TEAD1: variants seen among roughly 807,000 people sequenced by gnomAD.
TEAD1 encodes the protein transcriptional enhancer factor TEF-1.
In TEAD1, 9 loss-of-function variants were observed where a neutral mutation model predicts 54.9. That is an observed-to-expected ratio of 0.16 (90% CI 0.10 to 0.29). TEAD1 has a LOEUF of 0.29. Among genes scored for constraint, TEAD1 ranks in the 10% least tolerant of loss-of-function variants. The pLI is 1.00. For synonymous variants in TEAD1, 200 were observed against 187.8 expected (o/e 1.07, Z -0.53); for missense variants, 387 against 535.9 (o/e 0.72, Z 2.74).
At chr11:12,745,024 T>C (rs1420932685) in intron 2 of TEAD1, among the ~76,000 whole-genome samples, 2 of 152,200 alleles carry the variant, frequency 1.3e-5, no homozygotes, top group Non-Finnish European at 1.5e-5. Flanking sequence ...AGGGCTCGGC[T>C]AATTTTAAAC....
At chr11:12,913,691 G>T (rs1948657812) in intron 10 of TEAD1, among the ~76,000 whole-genome samples, 1 of 152,260 alleles carries the variant, frequency 6.6e-6, no homozygotes, top group South Asian at 2.1e-4. Flanking sequence ...CTTTTTTGGT[G>T]TACATGTCCT....
At chr11:12,772,662 G>A (rs1945336315) in intron 3 of TEAD1, among the ~76,000 whole-genome samples, 1 of 152,148 alleles carries the variant, frequency 6.6e-6, no homozygotes, top group Non-Finnish European at 1.5e-5. Context: ...GCAATGGTAA[G>A]AAATAATACC....
intron 3 of TEAD1, among the ~76,000 whole-genome samples, chr11:12,783,095 GGTTTGTGTGT>G (rs1399738744): frequency 8.2e-6 from 1 of 121,702 alleles, no homozygotes; most frequent in Non-Finnish European, 1.7e-5. Flanking sequence ...ACCAGGTAAG[GGTTTGTGTGT>G]GTGTGTGTGT....
chr11:12,839,838 AG>A (rs1946986751), intron 3 of TEAD1, among the ~76,000 whole-genome samples: 1 of 152,204 alleles, frequency 6.6e-6, no homozygotes, highest in Non-Finnish European at 1.5e-5. Flanking sequence ...CCCACATTGA[AG>A]GTAATGTGGT....
intron 10 of TEAD1, among the ~76,000 whole-genome samples, chr11:12,917,223 G>A (rs188377654): frequency 9.9e-5 from 15 of 152,224 alleles, no homozygotes; most frequent in African/African-American, 2.4e-4. Context: ...AGAAGGATTC[G>A]GCTGGTGTTT....
intron 3 of TEAD1, among the ~76,000 whole-genome samples, chr11:12,804,098 A>G (rs1264321075): frequency 2.6e-5 from 4 of 152,264 alleles, no homozygotes; most frequent in Non-Finnish European, 5.9e-5. Flanking sequence ...CACGTGTGCC[A>G]GAGCTTATTT....
chr11:12,736,973 A>T (rs114331810), intron 2 of TEAD1, among the ~76,000 whole-genome samples: 2 of 152,226 alleles, frequency 1.3e-5, no homozygotes, highest in African/African-American at 4.8e-5. Context: ...TATTAAATAT[A>T]GTCAATAATA....
intron 5 of TEAD1, among the ~76,000 whole-genome samples, chr11:12,874,574 G>T (rs1051014854): frequency 1.3e-5 from 2 of 152,206 alleles, no homozygotes; most frequent in African/African-American, 4.8e-5. Flanking sequence ...TTCAGGCTGA[G>T]GAGTTTATGC....
At chr11:12,911,635 G>A (rs1346160689) in intron 10 of TEAD1, among the ~76,000 whole-genome samples, 1 of 151,278 alleles carries the variant, frequency 6.6e-6, no homozygotes, top group Admixed American at 6.6e-5. Flanking sequence ...GTACTTGGGG[G>A]CTAATACATG....
intron 2 of TEAD1, among the ~76,000 whole-genome samples, chr11:12,755,564 T>C (rs1944967831): frequency 6.6e-6 from 1 of 152,226 alleles, no homozygotes. Flanking sequence ...AAAAGGCTTA[T>C]GAGTTTTCCT....
At chr11:12,789,993 C>T (rs553764460) in intron 3 of TEAD1, among the ~76,000 whole-genome samples, 93 of 152,240 alleles carry the variant, frequency 6.1e-4, no homozygotes, top group Admixed American at 1.9e-3. Context: ...ATCTATCACT[C>T]GTTGGTGACA....
chr11:12,842,173 A>C (rs537310640), intron 3 of TEAD1, among the ~76,000 whole-genome samples: 1 of 152,358 alleles, frequency 6.6e-6, no homozygotes, highest in South Asian at 2.1e-4. Flanking sequence ...AAATGTATTT[A>C]ACTCACTGAA....
At chr11:12,818,873 T>C (rs1459770234) in intron 3 of TEAD1, among the ~76,000 whole-genome samples, 1 of 152,224 alleles carries the variant, frequency 6.6e-6, no homozygotes, top group African/African-American at 2.4e-5. Context: ...GGGACCAATA[T>C]GAAGCAACTG....
In TEAD1 at chr11:12,821,961, C is replaced by CTTTTTTTTTTTTTTTTTT. The variant is rs10700151; in HGVS notation, c.203-40286_203-40269dup. On this transcript the variant is annotated intron_variant, in intron 3 of 12. Transcript: ENST00000527636. ...TACTCTCTCTCCTTTTTCTCTTTTC[C>CTTTTTTTTTTTTTTTTTT]TTTTTTTTTTTTTTTTTTTTGAGAC... 6.3e-3 allele frequency among the ~76,000 whole-genome samples: 426 copies of CTTTTTTTTTTTTTTTTTT among 68,060 alleles called. 84 individuals carry two copies. Among genetic ancestry groups the CTTTTTTTTTTTTTTTTTT allele is most frequent in the East Asian group, 0.012 (25 of 2,038 alleles). 44.7% of individuals were successfully genotyped at this position (68,060 alleles called of 152,430 possible).
At chr11:12,900,871 G>T (rs1404661210) in intron 9 of TEAD1, among the ~76,000 whole-genome samples, 1 of 152,160 alleles carries the variant, frequency 6.6e-6, no homozygotes, top group Non-Finnish European at 1.5e-5. Context: ...AACCCTATTT[G>T]GTTCTGAGGC....
At chr11:12,709,027 G>C (rs1943877282) in intron 2 of TEAD1, among the ~76,000 whole-genome samples, 3 of 152,136 alleles carry the variant, frequency 2.0e-5, no homozygotes, top group South Asian at 4.1e-4. Flanking sequence ...TGTTTGAACT[G>C]TTTATAAAGG....
intron 3 of TEAD1, among the ~76,000 whole-genome samples, chr11:12,856,397 G>A (rs1589929291): frequency 6.6e-6 from 1 of 152,166 alleles, no homozygotes; most frequent in African/African-American, 2.4e-5. Flanking sequence ...GTCAAAGGCT[G>A]TGAATGTTTA....
At chr11:12,867,752 C>T (rs1433050482) in intron 5 of TEAD1, among the ~76,000 whole-genome samples, 1 of 152,132 alleles carries the variant, frequency 6.6e-6, no homozygotes, top group Non-Finnish European at 1.5e-5. Context: ...CTTGGCCTCC[C>T]ACACTAGCTA....
intron 2 of TEAD1, among the ~76,000 whole-genome samples, chr11:12,722,070 G>C (rs1364830679): frequency 6.6e-6 from 1 of 152,208 alleles, no homozygotes. Flanking sequence ...TTGGTTGCAG[G>C]TGGTCTGTGA....
Sources: allele counts gnomAD v4.1 joint callset (sites outside exome capture counted in the v4.1 genomes callset), GRCh38; gene constraint gnomAD v4.1.1; transcripts MANE v1.5; gene names NCBI Gene and HGNC (gene_info 2026-07-23, HGNC 2026-07-21).